LMOD3: variants seen among roughly 807,000 people sequenced by gnomAD.
LMOD3 encodes the protein leiomodin 3, also known as leiomodin-3.
LMOD3 carries 31 observed loss-of-function variants against 41.8 expected under a neutral mutation model. The observed-to-expected ratio is 0.74, with a 90% CI of 0.56 to 1.00. The LOEUF (loss-of-function observed/expected upper bound fraction) is 1.00. Ranked by LOEUF, LMOD3 falls within the 50% of genes least tolerant of loss-of-function variation. The pLI is 0.00. For synonymous variants in LMOD3, 292 were observed against 241.9 expected, an observed-to-expected ratio of 1.21 and a Z score of -1.92; for missense variants, 755 against 679.5, an observed-to-expected ratio of 1.11 and a Z score of -1.23.
At position 69,119,165 on chromosome 3, in the gene LMOD3, T is replaced by C. The variant is rs199592188; in HGVS notation, c.1190A>G (p.Gln397Arg). 2.1e-3 allele frequency: 3,410 copies of C among 1,613,880 alleles called. 7 individuals carry two copies. The highest frequency in any genetic ancestry group is 2.6e-3 in the Non-Finnish European group (3,109 of 1,179,842). The change falls in exon 2 of 3, where the codon CAA (glutamine) becomes CGA (arginine). Residue 397 changes from glutamine (Q) to arginine (R), a missense_variant. Physicochemically the swap from Gln to Arg is conservative, Grantham distance 43. Coordinates refer to ENST00000420581, the MANE Select transcript of LMOD3 (RefSeq NM_198271.5). ...TNLLTRNQDKQRQKRQEEQKQ... is the reference protein window; with the variant it reads ...TNLLTRNQDKRRQKRQEEQKQ... ...TTGCTCTTCCTGTCGTTTCTGCCTT[T>C]GTTTATCCTGATTCCTGGTGAGCAG... is the stretch of plus-strand genomic sequence containing the variant.
At chr3:69,117,859 G>A (rs1460560778) in intron 2 of LMOD3, among the ~76,000 whole-genome samples, 1 of 144,548 alleles carries the variant, frequency 6.9e-6, no homozygotes, top group African/African-American at 2.6e-5. Context: ...TTTAGATGGA[G>A]TCTCGCTCTG....
At chr3:69,117,388 CAT>C (rs891299312) in intron 2 of LMOD3, among the ~76,000 whole-genome samples, 1 of 152,178 alleles carries the variant, frequency 6.6e-6, no homozygotes, top group Non-Finnish European at 1.5e-5. Context: ...AAAAATTCAA[CAT>C]GTTTTGAAAA....
At chr3:69,118,407 G>T (rs1028964572) in intron 2 of LMOD3, among the ~76,000 whole-genome samples, 1 of 152,076 alleles carries the variant, frequency 6.6e-6, no homozygotes, top group South Asian at 2.1e-4. Context: ...TTAGTAAGAT[G>T]ATTACATGAG....
At chr3:69,120,256 C>A (rs1366631032) in intron 1 of LMOD3, among the ~76,000 whole-genome samples, 196 bp from the exon 2 acceptor site, 1 of 151,834 alleles carries the variant, frequency 6.6e-6, no homozygotes, top group African/African-American at 2.4e-5. Context: ...TAAAAGGAAA[C>A]CTTATTAATT....
Position 69,118,892 on chromosome 3 carries a change from A to C in LMOD3, c.1463T>G (p.Val488Gly). 4 of 1,610,200 alleles carry C rather than the reference A, an allele frequency of 2.5e-6. No individual in the cohort carries two copies. The highest frequency in any genetic ancestry group is 3.4e-6 in the Non-Finnish European group (4 of 1,179,064). The change falls in exon 2 of 3, where the codon GTG (valine) becomes GGG (glycine). Residue 488 changes from valine (V) to glycine (G), a missense_variant. By Grantham distance (109) the Val-to-Gly change is moderately radical (BLOSUM62 -3). Transcript: ENST00000420581. Reference sequence around the variant, plus strand: ...TTTGCGCTGGATTCTCTTCAGCTTCACCACCCGGAAGGAGTCAGGGTCTGT... The same window carrying C: ...TTTGCGCTGGATTCTCTTCAGCTTCCCCACCCGGAAGGAGTCAGGGTCTGT... The part of the protein sequence containing the change: ...YRTDPDSFRV[V>G]KLKRIQRKSR...
At chr3:69,120,454 A>G (rs547055169) in intron 1 of LMOD3, among the ~76,000 whole-genome samples, 10 of 151,766 alleles carry the variant, frequency 6.6e-5, no homozygotes, top group Admixed American at 2.0e-4. Context: ...TATAAATGTG[A>G]TACTATAAAT....
In LMOD3 at chr3:69,107,084, G is replaced by C. The variant is rs4393910; in HGVS notation, c.*2011C>G. 2 of 151,878 alleles carry C rather than the reference G, an allele frequency of 1.3e-5. No individual in the cohort carries two copies. Among genetic ancestry groups the C allele is most frequent in the Non-Finnish European group, 2.9e-5 (2 of 67,988 alleles). The allele number at this position is 151,878 out of a possible 1,614,324, so 9.4% of individuals were successfully genotyped here. A position where few individuals can be genotyped will look rare whatever the true frequency, so the allele number is the denominator to read the frequency against. ...TTTCCTATCAGAGTTTAGCCTCTTA[G>C]ATGTAGTATGTGCTAGACACTTGAA... On this transcript the variant is annotated 3_prime_UTR_variant, in exon 3 of 3. Coordinates refer to ENST00000420581, the MANE Select transcript of LMOD3 (RefSeq NM_198271.5).
Position 69,122,564 on chromosome 3 carries a change from G to A in LMOD3, c.-178C>T. Reference sequence around the variant, plus strand: ...AGTGGTTTGCTGAGCAGCTAGGAGTGATCACAGCTAAGCTCTTGCCGGATC... The same window carrying A: ...AGTGGTTTGCTGAGCAGCTAGGAGTAATCACAGCTAAGCTCTTGCCGGATC... On this transcript the variant is annotated 5_prime_UTR_variant, in exon 1 of 3. Transcript: ENST00000420581. 2 of 573,878 alleles carry A rather than the reference G, an allele frequency of 3.5e-6. No individual in the cohort carries two copies. Among genetic ancestry groups the A allele is most frequent in the Non-Finnish European group, 6.1e-6 (2 of 326,836 alleles). The allele number at this position is 573,878 out of a possible 1,614,324, so 35.5% of individuals were successfully genotyped here.
intron 2 of LMOD3, among the ~76,000 whole-genome samples, chr3:69,111,450 A>G (rs1336724571): frequency 6.6e-6 from 1 of 152,264 alleles, no homozygotes; most frequent in Non-Finnish European, 1.5e-5. Context: ...GTAAAGCTGC[A>G]ATAAATAGTT....
Position 69,119,634 on chromosome 3 carries a change from G to C in LMOD3, c.721C>G (p.Leu241Val). The change falls in exon 2 of 3, where the codon CTG (leucine) becomes GTG (valine). Residue 241 changes from leucine (L) to valine (V), a missense_variant. Physicochemically the swap from Leu to Val is conservative, Grantham distance 32 (BLOSUM62 1). Transcript: ENST00000420581. Reference sequence around the variant, plus strand: ...CTAACTCTCCTCAAGCTCCCATCCAGGTCTGTCTGGTTTCCTGAAGGCCTT... The same window carrying C: ...CTAACTCTCCTCAAGCTCCCATCCACGTCTGTCTGGTTTCCTGAAGGCCTT... ...STRPSGNQTD[L>V]DGSLRRVRKN... 1 of 1,613,804 alleles carries C rather than the reference G, an allele frequency of 6.2e-7. No individual in the cohort carries two copies. Among genetic ancestry groups the C allele is most frequent in the Non-Finnish European group, 8.5e-7 (1 of 1,179,874 alleles).
Position 69,109,163 on chromosome 3 carries a change from G to A in LMOD3, c.1657-42C>T, listed in dbSNP as rs533805443. 2.3e-4 allele frequency: 358 copies of A among 1,576,884 alleles called. 5 individuals are homozygous for A. In the South Asian group the frequency reaches 3.8e-3, roughly 17 times the overall value. ...TGAGGAAACGGGGGAAATTAATCCT[G>A]GAAATTTAAGAGCTTTGCAGCAAAA... On this transcript the variant is annotated intron_variant, in intron 2 of 2. Transcript: ENST00000420581.
intron 1 of LMOD3, among the ~76,000 whole-genome samples, chr3:69,121,433 G>A (rs1575882800): frequency 1.4e-5 from 2 of 138,386 alleles, no homozygotes; most frequent in East Asian, 4.4e-4. Flanking sequence ...TTTTCAAGTG[G>A]AACATAAAAA....
At position 69,107,768 on chromosome 3, in the gene LMOD3, C is replaced by T. The variant is rs2092329974; in HGVS notation, c.*1327G>A. 6.6e-6 allele frequency: 1 copy of T among 152,174 alleles called. No individual in the cohort carries two copies. The highest frequency in any genetic ancestry group is 2.4e-5 in the African/African-American group (1 of 41,490). 9.4% of individuals were successfully genotyped at this position (152,174 alleles called of 1,614,324 possible). ...CTGGGATTACAGGCATGAGCCACCG[C>T]ACCTGGCCCAAAGCTTGATTTTCTA... On this transcript the variant is annotated 3_prime_UTR_variant, in exon 3 of 3. Transcript: ENST00000420581.
chr3:69,116,928 AT>A (rs1265213293), intron 2 of LMOD3, among the ~76,000 whole-genome samples: 1 of 152,146 alleles, frequency 6.6e-6, no homozygotes, highest in East Asian at 1.9e-4. Flanking sequence ...TTTGGCACAG[AT>A]TTTTTCAAAA....
At chr3:69,110,531 C>A (rs1027366391) in intron 2 of LMOD3, among the ~76,000 whole-genome samples, 3 of 150,928 alleles carry the variant, frequency 2.0e-5, no homozygotes, top group Non-Finnish European at 4.4e-5. Context: ...CACCCAGCCA[C>A]CTGATTTTCT....
rs17005363 is a variant in LMOD3 at position 69,109,099 on chromosome 3, G to A, written c.1679C>T (p.Ala560Val). The A allele has an allele frequency of 2.4e-3, 3,848 of 1,600,788 alleles. 75 individuals are homozygous for A. In the African/African-American group the frequency reaches 0.043, roughly 18 times the overall value. The change falls in exon 3 of 3, where the codon GCG becomes GTG. Residue 560 changes from alanine (A) to valine (V), a missense_variant. By Grantham distance (64) the Ala-to-Val change is moderately conservative. Coordinates refer to ENST00000420581, the MANE Select transcript of LMOD3 (RefSeq NM_198271.5). ...LKPVQLPKEL[A>V] ...TCTAGATGGCTCTGTTGCCTCTTACGCCAGTTCTTTTGGCAGTTGCACCTG... is the reference window on the plus strand; with the variant it reads ...TCTAGATGGCTCTGTTGCCTCTTACACCAGTTCTTTTGGCAGTTGCACCTG...
At position 69,118,838 on chromosome 3, in the gene LMOD3, G is replaced by T; in HGVS notation, c.1517C>A (p.Pro506His). The T allele has an allele frequency of 1.9e-6, 3 of 1,607,024 alleles. No homozygotes were observed. Among genetic ancestry groups the T allele is most frequent in the Non-Finnish European group, 2.5e-6 (3 of 1,177,794 alleles). ...KSRMPEAREP[P>H]EKTNLKDVIK... ...GACATCTTTGAGGTTGGTTTTCTCG[G>T]GTGGTTCTCTGGCTTCCGGCATCCG... is the stretch of plus-strand genomic sequence containing the variant. The change falls in exon 2 of 3, where the codon CCC becomes CAC. Residue 506 changes from proline (P) to histidine (H), a missense_variant. Pro to His is a moderately conservative substitution (Grantham distance 77). Transcript: ENST00000420581.
intron 2 of LMOD3, among the ~76,000 whole-genome samples, chr3:69,112,253 C>T (rs2092353362): frequency 6.6e-6 from 1 of 152,202 alleles, no homozygotes; most frequent in Non-Finnish European, 1.5e-5. Flanking sequence ...TACGCATACA[C>T]TCAGAGGCTT....
Position 69,119,406 on chromosome 3 carries a change from T to A in LMOD3, c.949A>T (p.Ile317Phe). ...RENRSITTLNIESNFITGKGI... is the reference protein window; with the variant it reads ...RENRSITTLNFESNFITGKGI... ...TTACCTGTGATGAAATTGGACTCGA[T>A]GTTGAGAGTGGTGATGCTTCTATTT... is the stretch of plus-strand genomic sequence containing the variant. The change falls in exon 2 of 3, where the codon ATC (isoleucine) becomes TTC (phenylalanine). Residue 317 changes from isoleucine to phenylalanine, a missense_variant. By Grantham distance (21) the Ile-to-Phe change is conservative. Transcript: ENST00000420581. 6.2e-7 allele frequency: 1 copy of A among 1,614,006 alleles called. No homozygotes were observed. Among genetic ancestry groups the A allele is most frequent in the Non-Finnish European group, 8.5e-7 (1 of 1,179,896 alleles).
Sources: allele counts gnomAD v4.1 joint callset (sites outside exome capture counted in the v4.1 genomes callset), GRCh38; gene constraint gnomAD v4.1.1; transcripts MANE v1.5; gene names NCBI Gene and HGNC (gene_info 2026-07-23, HGNC 2026-07-21).